Variants in BMPR1A observed in about 807,000 individuals in gnomAD.
BMPR1A encodes bone morphogenetic protein receptor type-1A.
In BMPR1A, 7 loss-of-function variants were observed where a neutral mutation model predicts 66.0. The ratio of observed to expected loss-of-function variants is 0.11; its 90% CI spans 0.06 to 0.20. The LOEUF is 0.20. BMPR1A is among the 10% of genes least tolerant of loss of function. The pLI is 1.00. For missense variants in BMPR1A, 408 were observed against 669.1 expected (o/e 0.61, Z 4.31); for synonymous variants, 200 against 229.7 (o/e 0.87, Z 1.17).
intron 2 of BMPR1A, chr10:86,855,969 T>A (rs1373403653): frequency 1.6e-6 from 1 of 624,980 alleles, no homozygotes; most frequent in Non-Finnish European, 3.0e-6. Context: ...TTTTCCAGAA[T>A]GGCCACTTTG....
intron 2 of BMPR1A, among the ~76,000 whole-genome samples, chr10:86,840,949 C>A (rs1842417931): frequency 6.6e-6 from 1 of 152,206 alleles, no homozygotes; most frequent in Non-Finnish European, 1.5e-5. Flanking sequence ...CAGGGATCTC[C>A]CAGCTTGTGC....
intron 2 of BMPR1A, among the ~76,000 whole-genome samples, chr10:86,845,466 C>T (rs1424204374): frequency 1.3e-5 from 2 of 152,154 alleles, no homozygotes; most frequent in Non-Finnish European, 2.9e-5. Flanking sequence ...AGCAGTCTCC[C>T]TTAGGTTTGC....
At chr10:86,911,182 C>T (rs1843477895) in intron 7 of BMPR1A, among the ~76,000 whole-genome samples, 1 of 141,336 alleles carries the variant, frequency 7.1e-6, no homozygotes, top group Non-Finnish European at 1.5e-5. Context: ...AAAAATTAAA[C>T]CTTGAGAACA....
chr10:86,766,219 T>C (rs1216175483), intron 1 of BMPR1A, among the ~76,000 whole-genome samples: 1 of 152,114 alleles, frequency 6.6e-6, no homozygotes, highest in African/African-American at 2.4e-5. Flanking sequence ...CTCGAACTCC[T>C]GGGCTAAAGT....
At chr10:86,912,189 G>A (rs377723025) in intron 7 of BMPR1A, 51 bp from the exon 8 acceptor site, 49 of 1,598,900 alleles carry the variant, frequency 3.1e-5, no homozygotes, top group Non-Finnish European at 4.0e-5. Flanking sequence ...TTTTCTTAGG[G>A]TTTTATAGTT....
chr10:86,905,386 C>T (rs1410563459), intron 7 of BMPR1A, among the ~76,000 whole-genome samples: 1 of 152,164 alleles, frequency 6.6e-6, no homozygotes, highest in African/African-American at 2.4e-5. Flanking sequence ...TTTTATCTTG[C>T]ATTTTTTTAC....
chr10:86,847,161 G>T (rs1842498176), intron 2 of BMPR1A, among the ~76,000 whole-genome samples: 1 of 152,080 alleles, frequency 6.6e-6, no homozygotes, highest in Non-Finnish European at 1.5e-5. Context: ...GGCCCATTTG[G>T]GGTACTTTTA....
At chr10:86,870,126 T>A (rs1391955640) in intron 2 of BMPR1A, among the ~76,000 whole-genome samples, 1 of 152,222 alleles carries the variant, frequency 6.6e-6, no homozygotes, top group East Asian at 1.9e-4. Context: ...CCCTCCCCTC[T>A]TTTCACTCTC....
chr10:86,885,014 A>G (rs1410079834), intron 3 of BMPR1A, among the ~76,000 whole-genome samples: 1 of 152,062 alleles, frequency 6.6e-6, no homozygotes, highest in African/African-American at 2.4e-5. Flanking sequence ...TGAAAAGCCC[A>G]TTTCTATGCT....
At chr10:86,772,642 G>T (rs1457947226) in intron 1 of BMPR1A, among the ~76,000 whole-genome samples, 1 of 152,120 alleles carries the variant, frequency 6.6e-6, no homozygotes, top group African/African-American at 2.4e-5. Context: ...GTCAGATTGA[G>T]AAATGAAATC....
At chr10:86,912,518 A>G (rs988861713) in intron 8 of BMPR1A, 134 bp downstream of exon 8, 8 of 1,116,260 alleles carry the variant, frequency 7.2e-6, no homozygotes, top group East Asian at 2.5e-5. Context: ...AGAAAGAGGT[A>G]TGCAGTATTG....
chr10:86,871,702 C>G (rs1842857270), intron 2 of BMPR1A, among the ~76,000 whole-genome samples: 1 of 151,652 alleles, frequency 6.6e-6, no homozygotes, highest in South Asian at 2.1e-4. Context: ...CCCAGCTACT[C>G]AGGAGGCTGA....
chr10:86,813,779 G>C (rs567613420), intron 1 of BMPR1A, among the ~76,000 whole-genome samples: 1 of 152,030 alleles, frequency 6.6e-6, no homozygotes, highest in Non-Finnish European at 1.5e-5. Context: ...ACTATTTAGC[G>C]CTCACCTCTA....
At chr10:86,820,887 A>AT (rs1464084840) in intron 1 of BMPR1A, among the ~76,000 whole-genome samples, 1 of 151,214 alleles carries the variant, frequency 6.6e-6, no homozygotes. Context: ...CTTTTCACTT[A>AT]TTTTTTTAAA....
chr10:86,902,165 T>G (rs1173063929), intron 7 of BMPR1A, among the ~76,000 whole-genome samples: 2 of 152,166 alleles, frequency 1.3e-5, no homozygotes, highest in African/African-American at 4.8e-5. Flanking sequence ...TGGCCTCTAA[T>G]GTGTATAGTA....
intron 2 of BMPR1A, among the ~76,000 whole-genome samples, chr10:86,859,324 C>G (rs1248728784): frequency 2.0e-5 from 3 of 151,972 alleles, no homozygotes; most frequent in Non-Finnish European, 2.9e-5. Flanking sequence ...CATCTATTTT[C>G]TTTTATTATT....
chr10:86,773,885 T>C (rs1310744504), intron 1 of BMPR1A, among the ~76,000 whole-genome samples: 2 of 150,076 alleles, frequency 1.3e-5, no homozygotes, highest in Non-Finnish European at 3.0e-5. Context: ...AGAGTCTTAC[T>C]CTGTCGCCAG....
chr10:86,793,375 T>C (rs1322930507), intron 1 of BMPR1A, among the ~76,000 whole-genome samples: 1 of 151,702 alleles, frequency 6.6e-6, no homozygotes, highest in African/African-American at 2.4e-5. Context: ...GTTTTTTTTT[T>C]TTTTTGAGAT....
At chr10:86,775,112 T>G (rs959026778) in intron 1 of BMPR1A, among the ~76,000 whole-genome samples, 2 of 152,218 alleles carry the variant, frequency 1.3e-5, no homozygotes, top group African/African-American at 2.4e-5. Flanking sequence ...TGTGTACTGT[T>G]TGTTTATGCT....
Sources: allele counts gnomAD v4.1 joint callset (sites outside exome capture counted in the v4.1 genomes callset), GRCh38; gene constraint gnomAD v4.1.1; transcripts MANE v1.5; gene names NCBI Gene and HGNC (gene_info 2026-07-23, HGNC 2026-07-21).